Variants in PCSK6 observed in about 807,000 individuals in gnomAD.
PCSK6 encodes proprotein convertase subtilisin/kexin type 6, also known as paired basic amino acid cleaving enzyme 4.
A neutral mutation model predicts 123.3 loss-of-function variants in PCSK6; 85 were observed. That is an observed-to-expected ratio of 0.69 (90% confidence interval 0.58 to 0.83). The LOEUF is 0.83. Among genes scored for constraint, PCSK6 ranks in the 40% least tolerant of loss-of-function variants. The pLI is 0.00. For missense variants in PCSK6, 1,191 were observed against 1,282.3 expected, an observed-to-expected ratio of 0.93 and a Z score of 1.09; for synonymous variants, 508 against 516.0, an observed-to-expected ratio of 0.98 and a Z score of 0.21.
At chr15:101,466,845 G>A (rs1407098245) in intron 1 of PCSK6, among the ~76,000 whole-genome samples, 1 of 152,136 alleles carries the variant, frequency 6.6e-6, no homozygotes, top group African/African-American at 2.4e-5. Context: ...TAGGGTTAAG[G>A]GAGTGGGGTA....
chr15:101,328,286 C>A (rs1304747613), intron 15 of PCSK6, among the ~76,000 whole-genome samples: 1 of 152,234 alleles, frequency 6.6e-6, no homozygotes, highest in Non-Finnish European at 1.5e-5. Flanking sequence ...TGAACAATTT[C>A]CTTCATCTTA....
rs35214052 is a variant in PCSK6 at position 101,473,903 on chromosome 15, T to TAATG, written c.297+15467_297+15470dup. 5.6e-3 allele frequency among the ~76,000 whole-genome samples: 833 copies of TAATG among 149,622 alleles called. 9 individuals carry two copies. The highest frequency in any genetic ancestry group is 0.016 in the African/African-American group (664 of 40,824). Reference sequence around the variant, plus strand: ...ATAAATAAGTAAATAAATAAATAAATAATGAATGAATGAATGAATGAATGG... The same window carrying TAATG: ...ATAAATAAGTAAATAAATAAATAAATAATGAATGAATGAATGAATGAATGAATGG... On this transcript the variant is annotated intron_variant, in intron 1 of 21. Transcript: ENST00000611716.
chr15:101,414,190 T>TAGCC (rs2141068539), intron 6 of PCSK6, among the ~76,000 whole-genome samples: 1 of 152,254 alleles, frequency 6.6e-6, no homozygotes, highest in South Asian at 2.1e-4. Context: ...AGTCAAAACC[T>TAGCC]AGCCAAATTT....
chr15:101,452,406 T>C (rs1341946676), intron 1 of PCSK6, among the ~76,000 whole-genome samples: 1 of 152,270 alleles, frequency 6.6e-6, no homozygotes. Context: ...CTGGAATTAG[T>C]TGTTTTACCG....
chr15:101,382,106 C>G lies in PCSK6; in HGVS notation c.1518G>C (p.Ser506=). Residue 506 remains serine (S), a synonymous_variant, in exon 11 of 22, where the codon TCG becomes TCC. Transcript: ENST00000611716. ...CAGAGCCTTACCTGGGTCTCTTGTC[C>G]GAGGCGGCCACACACATGTGCTGCG... ...VPSQHMCVAA[S]DKRPRSIPLV... The G allele has an allele frequency of 1.2e-6, 2 of 1,606,878 alleles. No individual in the cohort carries two copies. The highest frequency in any genetic ancestry group is 8.5e-7 in the Non-Finnish European group (1 of 1,176,622).
Position 101,458,689 on chromosome 15 carries a change from C to T in PCSK6, c.298-15029G>A, listed in dbSNP as rs148553709. Among the ~76,000 whole-genome samples the T allele has an allele frequency of 7.2e-5, 11 of 152,316 alleles. 1 individual carries two copies. The East Asian group carries it at 7.7e-4, about 11-fold the overall frequency. On this transcript the variant is annotated intron_variant, in intron 1 of 21. Coordinates refer to ENST00000611716, the MANE Select transcript of PCSK6 (RefSeq NM_002570.5). The stretch of plus-strand genomic sequence containing the variant: ...CAGCAGATTGGCTCCTCGCTCCTTC[C>T]GAAGACTCCCACTCTGCTCTGTTTC...
chr15:101,433,656 G>A (rs1159718348), intron 2 of PCSK6, among the ~76,000 whole-genome samples: 4 of 152,226 alleles, frequency 2.6e-5, no homozygotes, highest in Admixed American at 1.3e-4. Context: ...CAAGGCTGGC[G>A]ACCCAGGGTC....
intron 20 of PCSK6, among the ~76,000 whole-genome samples, chr15:101,309,400 G>A (rs2039801174): frequency 6.6e-6 from 1 of 152,380 alleles, no homozygotes; most frequent in African/African-American, 2.4e-5. Context: ...GGCAGCACCA[G>A]CTTTGGGCAG....
chr15:101,489,413 G>T lies in PCSK6; in HGVS notation c.258C>A (p.Asp86Glu), dbSNP rs1446556283. The T allele has an allele frequency of 7.8e-7, 1 of 1,281,934 alleles. No homozygotes were observed. 79.4% of individuals were successfully genotyped at this position (1,281,934 alleles called of 1,614,324 possible). A position where few individuals can be genotyped will look rare whatever the true frequency, so the allele number is the denominator to read the frequency against. Residue 86 changes from aspartate to glutamate, a missense_variant, in exon 1 of 22, where the codon GAC becomes GAA. This residue lies in a region of PCSK6 where 204 missense variants were observed against 166.4 expected (regional missense o/e 1.23). Transcript: ENST00000611716. ...GGTACCCGTGCGCCGCCGCCACGCG[G>T]TCCGCCTCGGCCGGGCCGCCCAGCA... ...VQVLGGPAEA[D>E]RVAAAHGYLN...
intron 1 of PCSK6, among the ~76,000 whole-genome samples, chr15:101,479,794 T>C (rs777757676): frequency 6.6e-6 from 1 of 151,998 alleles, no homozygotes; most frequent in East Asian, 1.9e-4. Flanking sequence ...CCTTCCCAGA[T>C]CTCCACCCAG....
intron 13 of PCSK6, among the ~76,000 whole-genome samples, chr15:101,341,751 G>C (rs1214874775): frequency 6.6e-6 from 1 of 152,190 alleles, no homozygotes; most frequent in Admixed American, 6.5e-5. Context: ...TAAGGGAAAT[G>C]ATAGCAGATG....
chr15:101,489,326 C>A, intron 1 of PCSK6, 48 bp downstream of exon 1: 2 of 1,095,564 alleles, frequency 1.8e-6, no homozygotes, highest in South Asian at 6.2e-5. Context: ...TCGCGCGCGC[C>A]GGAGGCCGCC....
intron 11 of PCSK6, among the ~76,000 whole-genome samples, chr15:101,370,968 TGGGGGG>T (rs1257759343): frequency 6.6e-6 from 1 of 150,414 alleles, no homozygotes; most frequent in East Asian, 1.9e-4. Context: ...TTATACAAAG[TGGGGGG>T]AGGGGGAGGG....
chr15:101,347,201 T>A (rs1433333187), intron 13 of PCSK6: 2 of 1,231,792 alleles, frequency 1.6e-6, no homozygotes, highest in African/African-American at 3.1e-5. Flanking sequence ...TCTGTCTTCC[T>A]TTCTAGCATC....
intron 20 of PCSK6, among the ~76,000 whole-genome samples, chr15:101,310,465 C>T (rs1208445887): frequency 6.6e-6 from 1 of 152,232 alleles, no homozygotes; most frequent in Non-Finnish European, 1.5e-5. Context: ...GTGATTATCA[C>T]TGTTTAATTC....
intron 1 of PCSK6, among the ~76,000 whole-genome samples, chr15:101,476,007 C>T (rs1431891306): frequency 1.3e-5 from 2 of 152,194 alleles, no homozygotes; most frequent in African/African-American, 4.8e-5. Flanking sequence ...TGCACACATA[C>T]ATTGACTCAG....
At chr15:101,383,933 CT>C in intron 10 of PCSK6, 1 of 174,574 alleles carries the variant, frequency 5.7e-6, no homozygotes, top group Non-Finnish European at 1.1e-5. Context: ...TGGAGTCCTG[CT>C]GTGTTGTCCA....
chr15:101,429,941 G>A (rs2056391440), intron 5 of PCSK6, 46 bp downstream of exon 5: 1 of 1,464,222 alleles, frequency 6.8e-7, no homozygotes, highest in Non-Finnish European at 9.6e-7. Context: ...TAGTGACGCT[G>A]CAGGGAGGGG....
At chr15:101,402,441 G>T (rs2042618606) in intron 6 of PCSK6, among the ~76,000 whole-genome samples, 1 of 151,926 alleles carries the variant, frequency 6.6e-6, no homozygotes, top group African/African-American at 2.4e-5. Context: ...AAACTAAAGA[G>T]CTTCTGCACA....
Sources: gnomAD v4.1 joint callset for allele counts (sites outside exome capture counted in the v4.1 genomes callset) on GRCh38, gnomAD v4.1.1 for gene constraint, gnomAD v4.1.1 regional missense constraint, MANE v1.5 for transcripts, NCBI Gene and HGNC (gene_info 2026-07-23, HGNC 2026-07-21) for gene names.